The following PDGFRL variants were observed in gnomAD, a reference collection of about 807,000 sequenced individuals.
The protein encoded by PDGFRL is platelet-derived growth factor receptor-like protein.
A neutral mutation model predicts 37.2 loss-of-function variants in PDGFRL; 46 were observed. That is an observed-to-expected ratio of 1.24 (90% confidence interval 0.98 to 1.58). The LOEUF is 1.58. Ranked by LOEUF, PDGFRL falls within the 40% of genes most tolerant of loss-of-function variation. PDGFRL has a pLI of 0.00. For synonymous variants in PDGFRL, 251 were observed against 184.3 expected (o/e 1.36, Z -2.93); for missense variants, 692 against 467.6 (o/e 1.48, Z -4.43).
At chr8:17,593,762 A>G (rs912483746) in intron 2 of PDGFRL, among the ~76,000 whole-genome samples, 66 of 152,062 alleles carry the variant, frequency 4.3e-4, no homozygotes, top group Non-Finnish European at 6.5e-4. Flanking sequence ...GGCATGGTAC[A>G]TGACTGTAAT....
intron 2 of PDGFRL, among the ~76,000 whole-genome samples, chr8:17,610,395 C>G (rs914242808): frequency 4.6e-5 from 7 of 152,114 alleles, no homozygotes; most frequent in African/African-American, 1.7e-4. Flanking sequence ...ATATGACATT[C>G]AAAGGAAATG....
intron 1 of PDGFRL, among the ~76,000 whole-genome samples, chr8:17,578,034 GT>G (rs1803625732): frequency 2.5e-5 from 1 of 40,784 alleles, no homozygotes; most frequent in African/African-American, 4.2e-5. Context: ...TGACCACAGG[GT>G]CTGGTGTTAT....
intron 2 of PDGFRL, among the ~76,000 whole-genome samples, chr8:17,612,927 A>G (rs1328216738): frequency 6.6e-6 from 1 of 152,164 alleles, no homozygotes; most frequent in East Asian, 1.9e-4. Flanking sequence ...TATCTCTTTT[A>G]TGATTAACTT....
chr8:17,580,892 A>G (rs902971920), intron 1 of PDGFRL, among the ~76,000 whole-genome samples: 1 of 151,878 alleles, frequency 6.6e-6, no homozygotes, highest in East Asian at 1.9e-4. Context: ...ACATCACTCC[A>G]ATCTCTGCCT....
rs375612455 is a variant in PDGFRL at position 17,634,061 on chromosome 8, T to C, written c.800-13T>C. 6.2e-7 allele frequency: 1 copy of C among 1,613,774 alleles called. No homozygotes were observed. The highest frequency in any genetic ancestry group is 1.3e-5 in the African/African-American group (1 of 74,912). On this transcript the variant is annotated splice_polypyrimidine_tract_variant and intron_variant, in intron 4 of 5. Transcript: ENST00000251630. ...TCGGGGTCTCACTCTGCCTGTTTCG[T>C]GCTTGCTTCCAGTTCCCAGTGGCCC...
chr8:17,628,089 G>A (rs1204061485), intron 3 of PDGFRL, among the ~76,000 whole-genome samples: 3 of 148,488 alleles, frequency 2.0e-5, no homozygotes, highest in Non-Finnish European at 4.4e-5. Flanking sequence ...CGCCTCCCGG[G>A]TTCACGCCAT....
At position 17,626,944 on chromosome 8, in the gene PDGFRL, C is replaced by G. The variant is rs562367091; in HGVS notation, c.506-1543C>G. Among the ~76,000 whole-genome samples, 4 of 152,288 alleles carry G rather than the reference C, an allele frequency of 2.6e-5. No homozygotes were observed. The East Asian group carries it at 7.7e-4, about 29-fold the overall frequency. On this transcript the variant is annotated intron_variant, in intron 3 of 5. Coordinates refer to ENST00000251630, the MANE Select transcript of PDGFRL (RefSeq NM_001372073.1). Reference sequence around the variant, plus strand: ...TAAGAGACTGGCTGAGGATTCCCAGCCAGGTGCTGGCCAAGCCGAGAGCAG... The same window carrying G: ...TAAGAGACTGGCTGAGGATTCCCAGGCAGGTGCTGGCCAAGCCGAGAGCAG...
intron 2 of PDGFRL, among the ~76,000 whole-genome samples, chr8:17,607,726 C>A (rs2466170): frequency 0.53 from 81,252 of 151,984 alleles, 22,818 homozygotes; most frequent in Middle Eastern, 0.63. Context: ...CAAATGTAAA[C>A]ACTGGTGTGT....
At chr8:17,601,483 T>C (rs142213293) in intron 2 of PDGFRL, among the ~76,000 whole-genome samples, 1 of 152,182 alleles carries the variant, frequency 6.6e-6, no homozygotes, top group African/African-American at 2.4e-5. Flanking sequence ...TTTCTAACTT[T>C]TAGGTTGAGC....
intron 2 of PDGFRL, among the ~76,000 whole-genome samples, chr8:17,598,386 T>G (rs893189313): frequency 4.6e-5 from 7 of 152,170 alleles, no homozygotes; most frequent in African/African-American, 1.7e-4. Flanking sequence ...ATAAACCCCT[T>G]GAGGGCAAAT....
chr8:17,628,168 T>TC (rs1387758369), intron 3 of PDGFRL, among the ~76,000 whole-genome samples: 4 of 85,524 alleles, frequency 4.7e-5, no homozygotes, highest in Admixed American at 3.9e-4. Flanking sequence ...TCATTTTTTG[T>TC]TTTTTTTAGT....
intron 2 of PDGFRL, among the ~76,000 whole-genome samples, chr8:17,605,492 T>A (rs2237822): frequency 2.6e-5 from 4 of 152,196 alleles, no homozygotes; most frequent in Admixed American, 2.0e-4. Context: ...ACACATTTTG[T>A]TTCTTGAATC....
intron 2 of PDGFRL, among the ~76,000 whole-genome samples, chr8:17,605,299 T>C (rs1804250855): frequency 6.6e-6 from 1 of 152,182 alleles, no homozygotes; most frequent in Admixed American, 6.5e-5. Context: ...CCATGCCCCA[T>C]ACCCATTTCA....
At chr8:17,610,562 C>A (rs1237004837) in intron 2 of PDGFRL, among the ~76,000 whole-genome samples, 2 of 152,124 alleles carry the variant, frequency 1.3e-5, no homozygotes. Flanking sequence ...GTGTGAGTAA[C>A]CCATATACAT....
chr8:17,619,510 G>A (rs1248294480), intron 2 of PDGFRL, among the ~76,000 whole-genome samples: 9 of 152,146 alleles, frequency 5.9e-5, no homozygotes, highest in Non-Finnish European at 1.2e-4. Flanking sequence ...AGGAAAAGTC[G>A]AAATGCCCAA....
At chr8:17,635,297 C>T (rs1325363097) in intron 5 of PDGFRL, among the ~76,000 whole-genome samples, 1 of 152,078 alleles carries the variant, frequency 6.6e-6, no homozygotes, top group Non-Finnish European at 1.5e-5. Flanking sequence ...CCCCCCAACC[C>T]TTTCCCCTGA....
At chr8:17,582,501 G>C (rs534914994) in intron 1 of PDGFRL, among the ~76,000 whole-genome samples, 4 of 148,884 alleles carry the variant, frequency 2.7e-5, no homozygotes, top group Non-Finnish European at 4.4e-5. Context: ...GGAGTCGCTT[G>C]AACTCGGGAA....
intron 2 of PDGFRL, among the ~76,000 whole-genome samples, chr8:17,614,624 G>A (rs951333842): frequency 6.6e-6 from 1 of 152,128 alleles, no homozygotes; most frequent in African/African-American, 2.4e-5. Flanking sequence ...TGTTGCCCAG[G>A]CTGGAGTGTA....
intron 2 of PDGFRL, among the ~76,000 whole-genome samples, chr8:17,603,414 G>T (rs549893262): frequency 1.1e-4 from 17 of 152,312 alleles, no homozygotes; most frequent in Admixed American, 3.9e-4. Flanking sequence ...GAACAGTGTA[G>T]TTGATCCCTT....
Sources: allele counts gnomAD v4.1 joint callset (sites outside exome capture counted in the v4.1 genomes callset), GRCh38; gene constraint gnomAD v4.1.1; transcripts MANE v1.5; gene names NCBI Gene and HGNC (gene_info 2026-07-23, HGNC 2026-07-21).